Variants in ZFHX3 observed in about 807,000 individuals in gnomAD.
ZFHX3 encodes zinc finger homeobox protein 3.
A neutral mutation model predicts 279.1 loss-of-function variants in ZFHX3; 42 were observed. The observed-to-expected ratio is 0.15, with a 90% CI of 0.12 to 0.19. ZFHX3 has a LOEUF of 0.19. ZFHX3 is among the 10% of genes least tolerant of loss of function. The probability of loss-of-function intolerance (pLI) is 1.00; values close to 1 mark genes in which losing one functional copy is unlikely to be tolerated. For synonymous variants in ZFHX3, 2,293 were observed against 1,957.8 expected, an observed-to-expected ratio of 1.17 and a Z score of -4.52; for missense variants, 4,981 against 4,754.0, an observed-to-expected ratio of 1.05 and a Z score of -1.40.
chr16:73,116,051 C>T (rs1358408540), intron 7 of ZFHX3, among the ~76,000 whole-genome samples: 5 of 150,724 alleles, frequency 3.3e-5, no homozygotes, highest in African/African-American at 7.4e-5. Context: ...ACCCAGGAGG[C>T]GGAGGTTGCG....
At chr16:73,033,402 C>T (rs1964779928) in intron 1 of ZFHX3, among the ~76,000 whole-genome samples, 1 of 152,188 alleles carries the variant, frequency 6.6e-6, no homozygotes, top group Non-Finnish European at 1.5e-5. Flanking sequence ...AGCAGCTCCC[C>T]CGCCGCCCCC....
intron 2 of ZFHX3, among the ~76,000 whole-genome samples, chr16:73,623,692 G>A (rs7184526): frequency 0.026 from 3,883 of 152,212 alleles, 180 homozygotes; most frequent in African/African-American, 0.089. Context: ...TTTGTCTGAC[G>A]TGTTGGTTTA....
chr16:73,395,824 C>G (rs534170268), intron 3 of ZFHX3, among the ~76,000 whole-genome samples: 1 of 151,830 alleles, frequency 6.6e-6, no homozygotes, highest in Non-Finnish European at 1.5e-5. Flanking sequence ...ACAAGTCCCA[C>G]GAATAGACCC....
chr16:73,326,170 A>G lies in ZFHX3; in HGVS notation c.-1290-7834T>C, dbSNP rs542117401. Among the ~76,000 whole-genome samples the G allele has an allele frequency of 1.7e-4, 26 of 152,294 alleles. 1 individual carries two copies. In the South Asian group the frequency reaches 5.4e-3, roughly 32 times the overall value. On this transcript the variant is annotated intron_variant, in intron 3 of 17. Coordinates refer to the ZFHX3 transcript ENST00000641206. ...TGCAGTATTGACAAAATACTTTATC[A>G]TTTATTCAATGCTACTTTGTATTTC...
intron 2 of ZFHX3, among the ~76,000 whole-genome samples, chr16:73,633,430 A>G (rs1375653867): frequency 6.6e-6 from 1 of 152,228 alleles, no homozygotes; most frequent in African/African-American, 2.4e-5. Flanking sequence ...CAGTAAAAGT[A>G]CAGAGATGCA....
chr16:73,215,807 G>A (rs879940562), intron 5 of ZFHX3, among the ~76,000 whole-genome samples: 1 of 152,176 alleles, frequency 6.6e-6, no homozygotes. Flanking sequence ...TCCTCATTGT[G>A]TTGGTCTGTT....
At chr16:73,818,979 A>G (rs772430201) in intron 1 of ZFHX3, among the ~76,000 whole-genome samples, 2 of 152,162 alleles carry the variant, frequency 1.3e-5, no homozygotes, top group East Asian at 1.9e-4. Context: ...ATAATCATAG[A>G]TTGGTACTTT....
intron 6 of ZFHX3, among the ~76,000 whole-genome samples, chr16:73,142,722 ATAAAGTTAACAGCTACTATTCATTGAATG>A (rs1966850802): frequency 6.6e-6 from 1 of 152,260 alleles, no homozygotes; most frequent in Admixed American, 6.5e-5. Context: ...TAATAAAATG[ATAAAGTTAACAGCTACTATTCATTGAATG>A]ATTATAGGCA....
Position 73,111,762 on chromosome 16 carries a change from G to C in ZFHX3, c.-896-18164C>G, listed in dbSNP as rs572465194. Among the ~76,000 whole-genome samples, 36 of 151,748 alleles carry C rather than the reference G, an allele frequency of 2.4e-4. 1 individual carries two copies. The South Asian group carries it at 4.0e-3, about 17-fold the overall frequency. On this transcript the variant is annotated intron_variant, in intron 7 of 17. Coordinates refer to the ZFHX3 transcript ENST00000641206. ...AGGGAGGGAGGAAGGAAGGGAGGAA[G>C]GGAAGGAGAGAGGGAGGGATTCGCC...
intron 4 of ZFHX3, among the ~76,000 whole-genome samples, chr16:72,839,218 A>C (rs1344212478): frequency 1.3e-5 from 2 of 151,400 alleles, no homozygotes; most frequent in African/African-American, 4.8e-5. Flanking sequence ...TTCCAGTCCA[A>C]ATAACCATGA....
In ZFHX3 at chr16:73,204,452, C is replaced by T. The variant is rs376907470; in HGVS notation, c.-1104+52595G>A. Among the ~76,000 whole-genome samples, 133 of 152,278 alleles carry T rather than the reference C, an allele frequency of 8.7e-4. 1 individual carries two copies. The highest frequency in any genetic ancestry group is 3.1e-3 in the African/African-American group (127 of 41,558). ...CAAGAAGTGCCCAACCTAGATCCCT[C>T]GCAAGTGCAGTTCACAATAGGGTTT... On this transcript the variant is annotated intron_variant, in intron 5 of 17. Transcript: ENST00000641206.
chr16:73,500,737 T>C (rs1301414456), intron 2 of ZFHX3, among the ~76,000 whole-genome samples: 1 of 104,612 alleles, frequency 9.6e-6, no homozygotes, highest in Non-Finnish European at 2.2e-5. Context: ...ATAAAGAAAA[T>C]ACTTTTGTAT....
chr16:73,409,552 G>A (rs553117534), intron 3 of ZFHX3, among the ~76,000 whole-genome samples: 1 of 152,194 alleles, frequency 6.6e-6, no homozygotes, highest in Non-Finnish European at 1.5e-5. Context: ...ATGGAGAACA[G>A]TTTGGAGGTT....
intron 3 of ZFHX3, among the ~76,000 whole-genome samples, chr16:73,328,058 T>C (rs750029557): frequency 6.6e-6 from 1 of 152,230 alleles, no homozygotes; most frequent in Non-Finnish European, 1.5e-5. Context: ...CTATGCTTTT[T>C]AAATTTAATT....
chr16:72,854,784 A>AG (rs2037709133), intron 4 of ZFHX3, among the ~76,000 whole-genome samples: 1 of 152,112 alleles, frequency 6.6e-6, no homozygotes, highest in Non-Finnish European at 1.5e-5. Flanking sequence ...CCTCATTAAG[A>AG]GGGAGTTCAG....
intron 1 of ZFHX3, among the ~76,000 whole-genome samples, chr16:73,055,044 G>GA (rs35678846): frequency 4.2e-4 from 60 of 141,354 alleles, no homozygotes; most frequent in Middle Eastern, 3.6e-3. Context: ...CAAAGGGAGA[G>GA]AAAAAAAAAA....
intron 3 of ZFHX3, among the ~76,000 whole-genome samples, chr16:73,448,543 C>T (rs895093220): frequency 6.7e-5 from 10 of 148,998 alleles, no homozygotes; most frequent in South Asian, 4.3e-4. Context: ...CTTTAGTGAA[C>T]GAAAAGGAAA....
intron 3 of ZFHX3, among the ~76,000 whole-genome samples, chr16:73,431,175 G>A (rs2017904085): frequency 6.6e-6 from 1 of 152,108 alleles, no homozygotes; most frequent in Admixed American, 6.5e-5. Flanking sequence ...TGCTAAGGTA[G>A]TCTGTTTCTA....
chr16:72,939,113 G>C (rs1414507767), intron 3 of ZFHX3, among the ~76,000 whole-genome samples: 2 of 152,148 alleles, frequency 1.3e-5, no homozygotes, highest in East Asian at 3.9e-4. Context: ...GAAAACAAGA[G>C]ACATGGCGGT....
Sources: allele counts gnomAD v4.1 joint callset (sites outside exome capture counted in the v4.1 genomes callset), GRCh38; gene constraint gnomAD v4.1.1; transcripts MANE v1.5; gene names NCBI Gene and HGNC (gene_info 2026-07-23, HGNC 2026-07-21).